The following MTHFD1L variants were observed in gnomAD, a reference collection of about 807,000 sequenced individuals.
MTHFD1L encodes the protein methylenetetrahydrofolate dehydrogenase (NADP+ dependent) 1 like.
MTHFD1L carries 81 observed loss-of-function variants against 119.5 expected under a neutral mutation model. The observed-to-expected ratio is 0.68, with a 90% CI of 0.57 to 0.82. The LOEUF is 0.82. MTHFD1L is among the 40% of genes least tolerant of loss of function. The probability of loss-of-function intolerance (pLI) is 0.00; values close to 1 mark genes in which losing one functional copy is unlikely to be tolerated. For missense variants in MTHFD1L, 1,125 were observed against 1,253.4 expected (o/e 0.90, Z 1.55); for synonymous variants, 430 against 475.2 (o/e 0.90, Z 1.24).
chr6:150,873,909 A>G (rs1233178145), intron 1 of MTHFD1L, among the ~76,000 whole-genome samples: 1 of 152,096 alleles, frequency 6.6e-6, no homozygotes, highest in Non-Finnish European at 1.5e-5. Context: ...ACCTCAAGTG[A>G]TCCATTTCAC....
rs1562404972 is a variant in MTHFD1L at position 150,932,819 on chromosome 6, GAA to G, written c.1257-3984_1257-3983del. On this transcript the variant is annotated intron_variant, in intron 11 of 27. Coordinates refer to ENST00000367321, the MANE Select transcript of MTHFD1L (RefSeq NM_015440.5). ...GAAAGGGAGGAAGAGAGGGAGGGAG[GAA>G]GGAAGGAAGGAAGGAAGGAAGGGAG... is the stretch of plus-strand genomic sequence containing the variant. Among the ~76,000 whole-genome samples the G allele has an allele frequency of 1.2e-3, 146 of 123,448 alleles. 1 individual carries two copies. The highest frequency in any genetic ancestry group is 5.1e-3 in the African/African-American group (134 of 26,082). The allele number at this position is 123,448 out of a possible 152,430, so 81.0% of individuals were successfully genotyped here.
At chr6:151,046,278 A>G (rs1387780747) in intron 26 of MTHFD1L, among the ~76,000 whole-genome samples, 1 of 151,990 alleles carries the variant, frequency 6.6e-6, no homozygotes, top group Non-Finnish European at 1.5e-5. Context: ...CTCTTTGCAT[A>G]CATAGAAAAA....
chr6:151,043,092 A>G (rs143775341), intron 26 of MTHFD1L, among the ~76,000 whole-genome samples: 191 of 152,234 alleles, frequency 1.3e-3, no homozygotes, highest in African/African-American at 4.3e-3. Flanking sequence ...TAAGAAGTGT[A>G]TTCAGTATGA....
intron 24 of MTHFD1L, among the ~76,000 whole-genome samples, chr6:151,027,071 C>T (rs900153744): frequency 7.2e-5 from 11 of 151,956 alleles, no homozygotes; most frequent in African/African-American, 2.7e-4. Flanking sequence ...CCTCATGATC[C>T]GCCCACCTTG....
Position 151,089,249 on chromosome 6 carries a change from A to G in MTHFD1L, c.2848-3218A>G, listed in dbSNP as rs77857004. On this transcript the variant is annotated intron_variant, in intron 26 of 27. Coordinates refer to ENST00000367321, the MANE Select transcript of MTHFD1L (RefSeq NM_015440.5). ...AATATTCATTTCTTTTTCTTAAACTATAAAATGCTTGTTCTTTTCCAAATC... is the reference window on the plus strand; with the variant it reads ...AATATTCATTTCTTTTTCTTAAACTGTAAAATGCTTGTTCTTTTCCAAATC... 6.3e-3 allele frequency among the ~76,000 whole-genome samples: 960 copies of G among 152,312 alleles called. 9 individuals are homozygous for G. Among genetic ancestry groups the G allele is most frequent in the African/African-American group, 0.022 (929 of 41,568 alleles).
chr6:150,879,138 C>T (rs776667365), intron 4 of MTHFD1L, among the ~76,000 whole-genome samples: 3 of 152,196 alleles, frequency 2.0e-5, no homozygotes, highest in Non-Finnish European at 2.9e-5. Flanking sequence ...AAACTATATA[C>T]TGGGCGATAA....
intron 13 of MTHFD1L, among the ~76,000 whole-genome samples, chr6:150,940,271 C>CA (rs1189743221): frequency 6.6e-6 from 1 of 152,030 alleles, no homozygotes; most frequent in Admixed American, 6.6e-5. Flanking sequence ...AAGTGTTTAC[C>CA]CATGGAGGTC....
rs571904313 is a variant in MTHFD1L, at chr6:150,874,530, G to C, written c.228-1560G>C. On this transcript the variant is annotated intron_variant, in intron 1 of 27. Coordinates refer to ENST00000367321, the MANE Select transcript of MTHFD1L (RefSeq NM_015440.5). ...GCATTGGCTGGAACTTCTTCACCCC[G>C]CATTTTTGTTAGGTGCAGTGCAAGA... Among the ~76,000 whole-genome samples the C allele has an allele frequency of 1.7e-3, 257 of 152,320 alleles. 2 individuals carry two copies. The highest frequency in any genetic ancestry group is 1.3e-3 in the Non-Finnish European group (90 of 68,016).
chr6:150,880,961 T>C (rs1054531008), intron 4 of MTHFD1L, among the ~76,000 whole-genome samples: 75 of 152,334 alleles, frequency 4.9e-4, no homozygotes, highest in African/African-American at 1.7e-3. Flanking sequence ...ATTAAGTTAT[T>C]TGAGTTCCTT....
At chr6:150,925,772 C>T (rs1789857688) in intron 10 of MTHFD1L, among the ~76,000 whole-genome samples, 1 of 152,032 alleles carries the variant, frequency 6.6e-6, no homozygotes, top group South Asian at 2.1e-4. Flanking sequence ...TAATGAATAC[C>T]ATGATGGCCC....
At chr6:150,975,750 A>G (rs1051108430) in intron 20 of MTHFD1L, among the ~76,000 whole-genome samples, 1 of 152,206 alleles carries the variant, frequency 6.6e-6, no homozygotes, top group African/African-American at 2.4e-5. Context: ...AAGCTTTGGC[A>G]TGAAATGGTG....
At chr6:150,986,889 A>G (rs1778381020) in intron 20 of MTHFD1L, among the ~76,000 whole-genome samples, 1 of 152,014 alleles carries the variant, frequency 6.6e-6, no homozygotes, top group Admixed American at 6.6e-5. Context: ...TTTAGTAGAG[A>G]CTGAGTTTCA....
At chr6:150,979,293 A>G (rs1777090839) in intron 20 of MTHFD1L, among the ~76,000 whole-genome samples, 1 of 152,200 alleles carries the variant, frequency 6.6e-6, no homozygotes, top group African/African-American at 2.4e-5. Context: ...TCACAGTTAC[A>G]GGAAGTACCA....
intron 26 of MTHFD1L, chr6:151,057,157 T>C (rs1395901233): frequency 3.1e-6 from 3 of 983,254 alleles, no homozygotes; most frequent in Middle Eastern, 5.2e-4. Flanking sequence ...GCCTGCCTTC[T>C]AACTGAATCT....
intron 27 of MTHFD1L, among the ~76,000 whole-genome samples, chr6:151,101,193 T>C (rs1359041162): frequency 1.3e-5 from 2 of 152,090 alleles, no homozygotes; most frequent in African/African-American, 4.8e-5. Context: ...AAATCCTAAA[T>C]ATTCTCATTC....
chr6:151,024,119 G>C (rs771992727), intron 24 of MTHFD1L, among the ~76,000 whole-genome samples: 42 of 151,786 alleles, frequency 2.8e-4, no homozygotes, highest in Admixed American at 5.9e-4. Flanking sequence ...TTTTAATAAA[G>C]TACAAGGGCT....
intron 2 of MTHFD1L, among the ~76,000 whole-genome samples, chr6:150,876,975 G>A (rs750628554): frequency 9.2e-5 from 14 of 152,230 alleles, no homozygotes; most frequent in South Asian, 4.1e-4. Context: ...ATTAGGGCTC[G>A]GGCCTCCTGG....
intron 26 of MTHFD1L, among the ~76,000 whole-genome samples, chr6:151,038,381 G>A (rs1231911423): frequency 6.6e-6 from 1 of 152,106 alleles, no homozygotes; most frequent in Admixed American, 6.5e-5. Context: ...ATCCTCTCCT[G>A]GGGTGATCCG....
chr6:151,026,297 T>A (rs1351564332), intron 24 of MTHFD1L, among the ~76,000 whole-genome samples: 2 of 152,224 alleles, frequency 1.3e-5, no homozygotes. Flanking sequence ...CTAGTGTTTA[T>A]GTTGTGCCTG....
Sources: allele counts gnomAD v4.1 joint callset (sites outside exome capture counted in the v4.1 genomes callset), GRCh38; gene constraint gnomAD v4.1.1; transcripts MANE v1.5; gene names NCBI Gene and HGNC (gene_info 2026-07-23, HGNC 2026-07-21).